The following BRCA1 variants were observed in gnomAD, a reference collection of about 807,000 sequenced individuals.
BRCA1 encodes the protein BRCA1 DNA repair associated.
In BRCA1, 140 loss-of-function variants were observed where a neutral mutation model predicts 173.7. The ratio of observed to expected loss-of-function variants is 0.81; its 90% CI spans 0.70 to 0.93. The LOEUF is 0.93. Ranked by LOEUF, BRCA1 falls within the 40% of genes least tolerant of loss-of-function variation. The pLI is 0.00. For missense variants in BRCA1, 1,983 were observed against 2,172.5 expected (o/e 0.91, Z 1.73); for synonymous variants, 662 against 756.0 (o/e 0.88, Z 2.04).
At chr17:43,109,131 T>A (rs2054929505) in intron 3 of BRCA1, among the ~76,000 whole-genome samples, 1 of 152,174 alleles carries the variant, frequency 6.6e-6, no homozygotes, top group Non-Finnish European at 1.5e-5. Context: ...AGTGCTGGGA[T>A]TACAGGTGTG....
chr17:43,100,923 G>C (rs1369324551), intron 6 of BRCA1, among the ~76,000 whole-genome samples: 2 of 150,594 alleles, frequency 1.3e-5, no homozygotes, highest in Non-Finnish European at 2.9e-5. Flanking sequence ...GTAGAGACAG[G>C]TTTCGCCATG....
At chr17:43,113,072 G>A (rs2055113232) in intron 3 of BRCA1, among the ~76,000 whole-genome samples, 1 of 152,124 alleles carries the variant, frequency 6.6e-6, no homozygotes, top group Non-Finnish European at 1.5e-5. Flanking sequence ...AAAAGTGCTA[G>A]GATTAGAGGC....
chr17:43,122,966 A>G (rs1216065723), intron 2 of BRCA1, among the ~76,000 whole-genome samples: 1 of 151,882 alleles, frequency 6.6e-6, no homozygotes, highest in East Asian at 1.9e-4. Context: ...CTCAGGCAGA[A>G]GAATGGCATG....
intron 18 of BRCA1, among the ~76,000 whole-genome samples, chr17:43,059,624 G>A (rs1156515176): frequency 2.0e-5 from 3 of 151,818 alleles, no homozygotes; most frequent in African/African-American, 7.3e-5. Flanking sequence ...TTACTAACAA[G>A]ATCTATTGTT....
chr17:43,079,486 GAA>G (rs1026380452), intron 12 of BRCA1: 157 of 1,325,764 alleles, frequency 1.2e-4, no homozygotes, highest in East Asian at 3.2e-4. Flanking sequence ...GGCAAAACTG[GAA>G]AAGTCTACAA....
chr17:43,165,194 C>A (rs1339529998), intron 1 of BRCA1, among the ~76,000 whole-genome samples: 1 of 151,916 alleles, frequency 6.6e-6, no homozygotes, highest in African/African-American at 2.4e-5. Context: ...TTCTTTTTAA[C>A]CCTTTATAAT....
At chr17:43,144,441 A>T (rs2056103498) in intron 1 of BRCA1, among the ~76,000 whole-genome samples, 1 of 152,082 alleles carries the variant, frequency 6.6e-6, no homozygotes, top group Non-Finnish European at 1.5e-5. Context: ...TTGATGAACC[A>T]GGGGAGAGGG....
intron 5 of BRCA1, 49 bp from the exon 6 acceptor site, chr17:43,104,310 A>G (rs749322383): frequency 6.4e-7 from 1 of 1,573,548 alleles, no homozygotes; most frequent in Non-Finnish European, 8.7e-7. Flanking sequence ...AGAAAAATGT[A>G]TGAATTATAA....
At chr17:43,157,568 C>T (rs867126899) in intron 1 of BRCA1, among the ~76,000 whole-genome samples, 24 of 151,918 alleles carry the variant, frequency 1.6e-4, no homozygotes, top group African/African-American at 4.4e-4. Flanking sequence ...TGGTGGCACA[C>T]GCCTGTAATC....
At chr17:43,137,433 T>TA (rs112877653) in intron 1 of BRCA1, among the ~76,000 whole-genome samples, 17,523 of 140,878 alleles carry the variant, frequency 0.12, 3,174 homozygotes, top group African/African-American at 0.4. Context: ...TAATAATAAT[T>TA]AAAAAAAAAA....
At chr17:43,050,853 T>C (rs2051179927) in intron 20 of BRCA1, among the ~76,000 whole-genome samples, 1 of 152,216 alleles carries the variant, frequency 6.6e-6, no homozygotes, top group Admixed American at 6.5e-5. Context: ...ACCACCTTCA[T>C]GCTCTTGAGA....
intron 1 of BRCA1, among the ~76,000 whole-genome samples, chr17:43,150,348 G>A (rs2056152774): frequency 6.6e-6 from 1 of 152,036 alleles, no homozygotes; most frequent in African/African-American, 2.4e-5. Context: ...GGCCTCAAGT[G>A]ATATGCTTGT....
intron 1 of BRCA1, 127 bp from the exon 2 acceptor site, chr17:43,124,242 A>G: frequency 1.6e-6 from 1 of 614,246 alleles, no homozygotes; most frequent in East Asian, 2.9e-5. Flanking sequence ...TACAAACCAA[A>G]GAACTAATGA....
At chr17:43,133,725 C>T (rs552504601) in intron 1 of BRCA1, among the ~76,000 whole-genome samples, 1 of 151,798 alleles carries the variant, frequency 6.6e-6, no homozygotes, top group Non-Finnish European at 1.5e-5. Context: ...AGCTCCGCCT[C>T]CCGGGTTCAA....
intron 6 of BRCA1, 53 bp downstream of exon 6, chr17:43,104,069 A>T: frequency 5.1e-6 from 4 of 792,052 alleles, no homozygotes; most frequent in Non-Finnish European, 7.0e-6. Context: ...AAAAAAAAAA[A>T]GAAAAAAAAA....
chr17:43,100,686 T>TAACATATATATATATATATA (rs1567807839), intron 6 of BRCA1, among the ~76,000 whole-genome samples: 296 of 17,418 alleles, frequency 0.017, 36 homozygotes, highest in African/African-American at 0.031. Flanking sequence ...ATAATATATA[T>TAACATATATATATATATATA]ATATATATAT....
At chr17:43,169,114 A>G (rs1378022233) in intron 1 of BRCA1, among the ~76,000 whole-genome samples, 1 of 152,050 alleles carries the variant, frequency 6.6e-6, no homozygotes, top group Non-Finnish European at 1.5e-5. Flanking sequence ...TCCCCTTCCC[A>G]GACATATTCC....
At chr17:43,115,428 G>C (rs925051920) in intron 3 of BRCA1, among the ~76,000 whole-genome samples, 3 of 152,002 alleles carry the variant, frequency 2.0e-5, no homozygotes, top group African/African-American at 7.3e-5. Flanking sequence ...CTTGAACTCG[G>C]GGGGCGGAGG....
intron 22 of BRCA1, among the ~76,000 whole-genome samples, chr17:43,046,171 C>A (rs1374567904): frequency 6.6e-6 from 1 of 150,848 alleles, no homozygotes; most frequent in Non-Finnish European, 1.5e-5. Context: ...GATCCACCCA[C>A]CTTGGCCTCC....
Sources: gnomAD v4.1 joint callset for allele counts (sites outside exome capture counted in the v4.1 genomes callset) on GRCh38, gnomAD v4.1.1 for gene constraint, MANE v1.5 for transcripts, NCBI Gene and HGNC (gene_info 2026-07-23, HGNC 2026-07-21) for gene names.